The following ANGPT4 variants were observed in gnomAD, a reference collection of about 807,000 sequenced individuals.
ANGPT4 encodes the protein angiopoietin 4, also known as angiopoietin-4.
ANGPT4 carries 50 observed loss-of-function variants against 53.0 expected under a neutral mutation model. That is an observed-to-expected ratio of 0.94 (90% CI 0.75 to 1.20). The LOEUF (loss-of-function observed/expected upper bound fraction) is 1.20. Among genes scored for constraint, ANGPT4 ranks in the 50% most tolerant of loss-of-function variants. The pLI is 0.00. For missense variants in ANGPT4, 648 were observed against 637.1 expected (o/e 1.02, Z -0.18); for synonymous variants, 251 against 259.7 (o/e 0.97, Z 0.32).
Position 879,836 on chromosome 20 carries a change from G to A in ANGPT4, c.964C>T (p.Leu322=). The part of the protein sequence containing the change: ...ATKPRKVFCD[L]QSSGGRWTLI... ...GTCCACCTGCCTCCACTGCTCTGCA[G>A]GTCACAGAACACCTGGAGGGGGTGG... The change falls in exon 6 of 9, where the codon CTG becomes TTG. Residue 322 remains leucine, a synonymous_variant. Coordinates refer to ENST00000381922, the MANE Select transcript of ANGPT4 (RefSeq NM_015985.4). The A allele has an allele frequency of 6.2e-7, 1 of 1,612,508 alleles. No individual in the cohort carries two copies. The highest frequency in any genetic ancestry group is 8.5e-7 in the Non-Finnish European group (1 of 1,179,226).
chr20:890,122 C>A (rs1981774748), intron 2 of ANGPT4, 91 bp downstream of exon 2: 2 of 1,478,932 alleles, frequency 1.4e-6, no homozygotes, highest in Non-Finnish European at 1.8e-6. Flanking sequence ...TGACCCTACT[C>A]AGGGTCAGAG....
At chr20:890,392 T>C in intron 1 of ANGPT4, 24 bp from the exon 2 acceptor site, 1 of 1,464,474 alleles carries the variant, frequency 6.8e-7, no homozygotes, top group Non-Finnish European at 9.4e-7. Flanking sequence ...TGGGCTGGGG[T>C]CACGGGGGAG....
chr20:902,999 C>G (rs957873219), intron 1 of ANGPT4, among the ~76,000 whole-genome samples: 9 of 152,178 alleles, frequency 5.9e-5, no homozygotes, highest in African/African-American at 1.7e-4. Flanking sequence ...GATTCCTCCT[C>G]ATGTCTACTG....
intron 7 of ANGPT4, among the ~76,000 whole-genome samples, chr20:875,022 G>A (rs968490943): frequency 5.6e-5 from 8 of 142,798 alleles, no homozygotes; most frequent in South Asian, 2.5e-4. Context: ...GCCCGGCAAC[G>A]TTTCTTTTTC....
chr20:890,618 C>T (rs1474113851), intron 1 of ANGPT4, among the ~76,000 whole-genome samples: 1 of 152,182 alleles, frequency 6.6e-6, no homozygotes, highest in East Asian at 1.9e-4. Flanking sequence ...GTCCATCCCC[C>T]ACTAGGCAGC....
chr20:886,056 C>G lies in ANGPT4; in HGVS notation c.588-731G>C, dbSNP rs185192434. Among the ~76,000 whole-genome samples, 90 of 150,834 alleles carry G rather than the reference C, an allele frequency of 6.0e-4. 1 individual carries two copies. The highest frequency in any genetic ancestry group is 2.1e-3 in the African/African-American group (85 of 40,196). On this transcript the variant is annotated intron_variant, in intron 3 of 8. Coordinates refer to ENST00000381922, the MANE Select transcript of ANGPT4 (RefSeq NM_015985.4). The stretch of plus-strand genomic sequence containing the variant: ...GAAGATGGGGGCAGGATGGAGGGCC[C>G]AACTTTCACTTTTATTTTGTACAGG...
Position 890,308 on chromosome 20 carries a change from C to T in ANGPT4, c.370G>A (p.Ala124Thr). The T allele has an allele frequency of 6.2e-7, 1 of 1,613,852 alleles. No homozygotes were observed. The highest frequency in any genetic ancestry group is 8.5e-7 in the Non-Finnish European group (1 of 1,179,990). The part of the protein sequence containing the change: ...SKLEQVQQQM[A>T]QNQTAPMLEL... ...AGCATGGGGGCCGTCTGATTCTGGGCCATTTGCTGCTGGACCTGCTCCAGC... is the reference window on the plus strand; with the variant it reads ...AGCATGGGGGCCGTCTGATTCTGGGTCATTTGCTGCTGGACCTGCTCCAGC... Residue 124 changes from alanine (A) to threonine (T), a missense_variant, in exon 2 of 9, where the codon GCC (alanine) becomes ACC (threonine). Ala to Thr is a moderately conservative substitution (Grantham distance 58). Transcript: ENST00000381922.
chr20:909,782 C>T (rs1982628085), intron 1 of ANGPT4, among the ~76,000 whole-genome samples: 1 of 152,230 alleles, frequency 6.6e-6, no homozygotes, highest in Non-Finnish European at 1.5e-5. Flanking sequence ...TCAGGGCCTA[C>T]ACTCGGCTTC....
chr20:882,005 C>G (rs1363115411), intron 4 of ANGPT4, among the ~76,000 whole-genome samples: 1 of 152,166 alleles, frequency 6.6e-6, no homozygotes, highest in Non-Finnish European at 1.5e-5. Context: ...TAAGGCAGAA[C>G]CTTCCTTCTT....
chr20:894,819 A>C (rs963318159), intron 1 of ANGPT4, among the ~76,000 whole-genome samples: 1 of 152,182 alleles, frequency 6.6e-6, no homozygotes, highest in East Asian at 1.9e-4. Flanking sequence ...GCTAGGCTCT[A>C]AGACTCCTTG....
At position 888,300 on chromosome 20, in the gene ANGPT4, G is replaced by A; in HGVS notation, c.587+18C>T. 1 of 1,609,346 alleles carries A rather than the reference G, an allele frequency of 6.2e-7. No individual in the cohort carries two copies. The highest frequency in any genetic ancestry group is 1.1e-5 in the South Asian group (1 of 90,482). On this transcript the variant is annotated intron_variant, in intron 3 of 8. Transcript: ENST00000381922. ...GCCCCAGCCCCTGTCCTAGTCTGGT[G>A]CCAGGTGCCACACCCACCTGTTTTG...
intron 1 of ANGPT4, among the ~76,000 whole-genome samples, chr20:890,768 C>T (rs1981813559): frequency 6.6e-6 from 1 of 152,214 alleles, no homozygotes; most frequent in Admixed American, 6.5e-5. Context: ...TCTCATTCCT[C>T]TCCTATTCCC....
Position 879,800 on chromosome 20 carries a change from G to T in ANGPT4, c.1000C>A (p.Arg334Ser), listed in dbSNP as rs374341010. ...SSGGRWTLIQRRENGTVNFQR... is the reference protein window; with the variant it reads ...SSGGRWTLIQSRENGTVNFQR... ...AAATTCACGGTGCCATTCTCACGGC[G>T]CTGGATGAGGGTCCACCTGCCTCCA... The change falls in exon 6 of 9, where the codon CGC (arginine) becomes AGC (serine). Residue 334 changes from arginine to serine, a missense_variant. By Grantham distance (110) the Arg-to-Ser change is moderately radical. Coordinates refer to ENST00000381922, the MANE Select transcript of ANGPT4 (RefSeq NM_015985.4). 4.3e-6 allele frequency: 7 copies of T among 1,613,572 alleles called. No homozygotes were observed. In the Admixed American group the frequency reaches 1.0e-4, roughly 23 times the overall value.
chr20:879,259 C>A (rs1981294448), intron 6 of ANGPT4, among the ~76,000 whole-genome samples: 1 of 151,966 alleles, frequency 6.6e-6, no homozygotes, highest in African/African-American at 2.4e-5. Flanking sequence ...GTCAGCTTGG[C>A]AAAAAATCCT....
At chr20:909,017 G>T (rs527774535) in intron 1 of ANGPT4, among the ~76,000 whole-genome samples, 1 of 152,224 alleles carries the variant, frequency 6.6e-6, no homozygotes, top group East Asian at 1.9e-4. Context: ...ATCTGTAAAT[G>T]GTGGGCACAG....
chr20:892,956 C>A (rs140209141), intron 1 of ANGPT4, among the ~76,000 whole-genome samples: 1 of 152,184 alleles, frequency 6.6e-6, no homozygotes, highest in South Asian at 2.1e-4. Flanking sequence ...TGTTGCTGGA[C>A]GACTTCCCCC....
intron 1 of ANGPT4, among the ~76,000 whole-genome samples, chr20:901,338 C>T (rs774560511): frequency 2.6e-5 from 4 of 152,134 alleles, no homozygotes; most frequent in Non-Finnish European, 4.4e-5. Flanking sequence ...ATGACATTAC[C>T]TTGTGACATT....
intron 5 of ANGPT4, among the ~76,000 whole-genome samples, chr20:880,143 AAAC>A (rs960102030): frequency 6.6e-6 from 1 of 152,348 alleles, no homozygotes; most frequent in African/African-American, 2.4e-5. Flanking sequence ...TGTGAAAATT[AAAC>A]GAGATGAGTC....
In ANGPT4 at chr20:899,408, T is replaced by C. The variant is rs995596640; in HGVS notation, c.310-9040A>G. Among the ~76,000 whole-genome samples the C allele has an allele frequency of 2.2e-4, 34 of 152,018 alleles. No homozygotes were observed. In the Middle Eastern group the frequency reaches 0.01, roughly 46 times the overall value. On this transcript the variant is annotated intron_variant, in intron 1 of 8. Coordinates refer to ENST00000381922, the MANE Select transcript of ANGPT4 (RefSeq NM_015985.4). ...GACTACAGGTGCCTGCCACCACGCC[T>C]AGCTAATTTTTTTGTATTTTTTTTT...
Sources: allele counts gnomAD v4.1 joint callset (sites outside exome capture counted in the v4.1 genomes callset), GRCh38; gene constraint gnomAD v4.1.1; transcripts MANE v1.5; gene names NCBI Gene and HGNC (gene_info 2026-07-23, HGNC 2026-07-21).